Variants in ITSN2 observed in about 807,000 individuals in gnomAD.
The protein encoded by ITSN2 is intersectin-2.
ITSN2 carries 156 observed loss-of-function variants against 243.7 expected under a neutral mutation model. The ratio of observed to expected loss-of-function variants is 0.64; its 90% confidence interval spans 0.56 to 0.73. The LOEUF (loss-of-function observed/expected upper bound fraction) is 0.73, where lower values mean the gene tolerates loss of function less well. Ranked by LOEUF, ITSN2 falls within the 30% of genes least tolerant of loss-of-function variation. The probability of loss-of-function intolerance (pLI) is 0.00; values close to 1 mark genes in which losing one functional copy is unlikely to be tolerated. For missense variants in ITSN2, 1,801 were observed against 1,996.1 expected, an observed-to-expected ratio of 0.90 and a Z score of 1.86; for synonymous variants, 703 against 699.9, an observed-to-expected ratio of 1.00 and a Z score of -0.07.
chr2:24,320,520 C>T (rs1232904672), intron 2 of ITSN2, among the ~76,000 whole-genome samples: 3 of 92,496 alleles, frequency 3.2e-5, no homozygotes, highest in South Asian at 4.4e-4. Flanking sequence ...AGCGAGACTC[C>T]GTCTCAAAAA....
intron 37 of ITSN2, among the ~76,000 whole-genome samples, chr2:24,207,915 G>A (rs180991882): frequency 2.0e-5 from 3 of 152,018 alleles, no homozygotes; most frequent in Admixed American, 2.0e-4. Context: ...GGTGTGGCAT[G>A]TAATGGAGCA....
chr2:24,358,040 A>G (rs1401272169), intron 1 of ITSN2, among the ~76,000 whole-genome samples: 12 of 152,154 alleles, frequency 7.9e-5, no homozygotes. Context: ...CAGCCTCCTG[A>G]GTACCTGGGA....
chr2:24,293,751 G>A lies in ITSN2; in HGVS notation c.1660C>T (p.Leu554=), dbSNP rs1680587070. 2.6e-6 allele frequency: 3 copies of A among 1,141,186 alleles called. No homozygotes were observed. Among genetic ancestry groups the A allele is most frequent in the Non-Finnish European group, 3.8e-6 (3 of 793,562 alleles). The allele number at this position is 1,141,186 out of a possible 1,614,324, so 70.7% of individuals were successfully genotyped here. A position where few individuals can be genotyped will look rare whatever the true frequency, so the allele number is the denominator to read the frequency against. ...LQEYQNKLIY[L]VPEKQLLNER... is the part of the protein sequence containing the mutation. ...TTTAATAATTGCTTCTCAGGTACCA[G>A]ATAGATAAGCTTATTCTGATATTCC... The change falls in exon 15 of 40, where the codon CTG becomes TTG. Residue 554 remains leucine (L), a synonymous_variant. Transcript: ENST00000355123.
chr2:24,320,315 C>G (rs868225051), intron 2 of ITSN2, among the ~76,000 whole-genome samples: 17 of 150,884 alleles, frequency 1.1e-4, no homozygotes, highest in East Asian at 3.9e-4. Flanking sequence ...GTCAGGAGAT[C>G]GAGACCATCC....
intron 1 of ITSN2, among the ~76,000 whole-genome samples, chr2:24,348,226 G>A (rs1440680865): frequency 5.6e-5 from 8 of 141,664 alleles, no homozygotes; most frequent in Non-Finnish European, 7.5e-5. Flanking sequence ...CCAAGCTGGA[G>A]TGCAGTGGCG....
chr2:24,246,081 A>G (rs1219069215), intron 29 of ITSN2, 48 bp downstream of exon 29: 2 of 1,254,952 alleles, frequency 1.6e-6, no homozygotes, highest in East Asian at 2.3e-5. Flanking sequence ...AGTGCTGTAT[A>G]TTGAAGTTTC....
chr2:24,279,851 G>T (rs1480342088), intron 17 of ITSN2, among the ~76,000 whole-genome samples: 4 of 147,280 alleles, frequency 2.7e-5, no homozygotes, highest in Non-Finnish European at 4.4e-5. Flanking sequence ...ACCTGCCTCA[G>T]CCTCCCAAGT....
intron 37 of ITSN2, 130 bp from the exon 38 acceptor site, chr2:24,205,427 C>A: frequency 1.4e-6 from 1 of 713,776 alleles, no homozygotes; most frequent in Non-Finnish European, 2.4e-6. Context: ...AGCCCAGCAT[C>A]TGGCTGCCCT....
At chr2:24,212,866 T>TA in intron 32 of ITSN2, 118 bp from the exon 33 acceptor site, 2 of 846,624 alleles carry the variant, frequency 2.4e-6, no homozygotes, top group Non-Finnish European at 3.8e-6. Context: ...CTCCCTGTCT[T>TA]ACTGTTTTAG....
intron 29 of ITSN2, among the ~76,000 whole-genome samples, chr2:24,245,242 C>T (rs760285325): frequency 6.6e-6 from 1 of 152,122 alleles, no homozygotes; most frequent in Non-Finnish European, 1.5e-5. Flanking sequence ...GATCTGGACC[C>T]TTGTTCTGAA....
At chr2:24,296,067 T>C (rs1680923611) in intron 13 of ITSN2, among the ~76,000 whole-genome samples, 1 of 152,178 alleles carries the variant, frequency 6.6e-6, no homozygotes, top group South Asian at 2.1e-4. Context: ...TGAATTTTTT[T>C]CTGAATTCAG....
At chr2:24,236,755 G>A (rs555564563) in intron 29 of ITSN2, among the ~76,000 whole-genome samples, 1 of 148,852 alleles carries the variant, frequency 6.7e-6, no homozygotes, top group South Asian at 2.1e-4. Context: ...CTGCAGCCTC[G>A]ATCTCCCAGG....
chr2:24,224,636 CTTT>C (rs148181209), intron 29 of ITSN2, among the ~76,000 whole-genome samples: 2 of 144,936 alleles, frequency 1.4e-5, no homozygotes, highest in Non-Finnish European at 1.5e-5. Context: ...GGCTCTTCAA[CTTT>C]TTTTTTTTTT....
chr2:24,217,991 T>A lies in ITSN2; in HGVS notation c.3722A>T (p.Glu1241Val). The A allele has an allele frequency of 6.2e-7, 1 of 1,613,938 alleles. No individual in the cohort carries two copies. Among genetic ancestry groups the A allele is most frequent in the South Asian group, 1.1e-5 (1 of 91,062 alleles). Residue 1241 changes from glutamate to valine, a missense_variant, in exon 31 of 40, where the codon GAG becomes GTG. By Grantham distance (121) the Glu-to-Val change is moderately radical. Coordinates refer to ENST00000355123, the MANE Select transcript of ITSN2 (RefSeq NM_006277.3). Reference protein sequence around the residue: ...VVEVFQKRMAESGFLTEGEMA... With the variant: ...VVEVFQKRMAVSGFLTEGEMA... ...CTCCCCTTCAGTGAGAAAGCCTGAC[T>A]CTGCCATGCGTTTCTGAAAAACCTA...
intron 31 of ITSN2, among the ~76,000 whole-genome samples, chr2:24,216,995 A>G (rs1670020950): frequency 6.6e-6 from 1 of 151,842 alleles, no homozygotes; most frequent in Non-Finnish European, 1.5e-5. Flanking sequence ...GAGGCAGGAG[A>G]ATGGCGTGAA....
rs1205314607 is a variant in ITSN2, at chr2:24,220,933, C to T, written c.3699+12G>A. On this transcript the variant is annotated intron_variant, in intron 30 of 39. Transcript: ENST00000355123. ...AGATACCCCGAGAGCTAGCCAGCAG[C>T]AGCCTCCTCACCTCGACGACGAGCT... The T allele has an allele frequency of 1.3e-6, 2 of 1,587,996 alleles. No individual in the cohort carries two copies. The highest frequency in any genetic ancestry group is 1.7e-4 in the Middle Eastern group (1 of 5,988).
chr2:24,301,342 A>G, intron 10 of ITSN2, 103 bp from the exon 11 acceptor site: 1 of 581,456 alleles, frequency 1.7e-6, no homozygotes, highest in Non-Finnish European at 3.1e-6. Flanking sequence ...TTGGGAATAC[A>G]GTATTAAAGA....
Position 24,337,327 on chromosome 2 carries a change from T to TATAC in ITSN2, c.-33-9213_-33-9212insGTAT, listed in dbSNP as rs1553395933. On this transcript the variant is annotated intron_variant, in intron 1 of 39. Transcript: ENST00000355123. ...TGTGTATACACAAAATATATATATA[T>TATAC]ATATATATATATATATATATATATA... is the stretch of plus-strand genomic sequence containing the variant. 2.9e-3 allele frequency among the ~76,000 whole-genome samples: 283 copies of TATAC among 97,372 alleles called. 29 individuals are homozygous for TATAC. Among genetic ancestry groups the TATAC allele is most frequent in the South Asian group, 5.9e-3 (19 of 3,220 alleles). The allele number at this position is 97,372 out of a possible 152,430, so 63.9% of individuals were successfully genotyped here.
chr2:24,297,223 C>G (rs1251700309), intron 13 of ITSN2, among the ~76,000 whole-genome samples: 1 of 152,070 alleles, frequency 6.6e-6, no homozygotes, highest in African/African-American at 2.4e-5. Context: ...AAGTCATCAA[C>G]CAAATAAAAT....
Sources: gnomAD v4.1 joint callset for allele counts (sites outside exome capture counted in the v4.1 genomes callset) on GRCh38, gnomAD v4.1.1 for gene constraint, MANE v1.5 for transcripts, NCBI Gene and HGNC (gene_info 2026-07-23, HGNC 2026-07-21) for gene names.